The following STIL variants were observed in gnomAD, a reference collection of about 807,000 sequenced individuals.
STIL encodes SCL-interrupting locus protein.
STIL carries 55 observed loss-of-function variants against 110.1 expected under a neutral mutation model. The ratio of observed to expected loss-of-function variants is 0.50; its 90% CI spans 0.40 to 0.63. STIL has a LOEUF of 0.63. Among genes scored for constraint, STIL ranks in the 20% least tolerant of loss-of-function variants. The pLI is 0.00. For synonymous variants in STIL, 481 were observed against 530.0 expected (o/e 0.91, Z 1.27); for missense variants, 1,358 against 1,530.0 (o/e 0.89, Z 1.87).
intron 14 of STIL, among the ~76,000 whole-genome samples, chr1:47,265,867 G>C (rs927807989): frequency 8.0e-5 from 12 of 150,256 alleles, no homozygotes; most frequent in Non-Finnish European, 1.5e-4. Flanking sequence ...GCTCACTGCA[G>C]ACTCAACTTC....
In STIL at chr1:47,310,329, T is replaced by C; in HGVS notation, c.-10A>G. 1 of 1,612,408 alleles carries C rather than the reference T, an allele frequency of 6.2e-7. No homozygotes were observed. ...GATATATAGGCTCCATGATGTCTGG[T>C]GAATGATTTCTTTAATTCCAAATCC... On this transcript the variant is annotated 5_prime_UTR_variant, in exon 2 of 17. Transcript: ENST00000371877.
intron 12 of STIL, among the ~76,000 whole-genome samples, chr1:47,273,892 T>C (rs1454720280): frequency 6.6e-6 from 1 of 152,222 alleles, no homozygotes; most frequent in African/African-American, 2.4e-5. Context: ...TAAAATGGCA[T>C]GTGTATTTAT....
rs1645829833 is a variant in STIL at position 47,302,328 on chromosome 1, C to T, written c.171G>A (p.Val57=). 2 of 1,613,952 alleles carry T rather than the reference C, an allele frequency of 1.2e-6. No individual in the cohort carries two copies. The highest frequency in any genetic ancestry group is 8.5e-7 in the Non-Finnish European group (1 of 1,179,964). The change falls in exon 4 of 17, where the codon GTG becomes GTA. Residue 57 remains valine (V), a synonymous_variant. Transcript: ENST00000371877. The part of the protein sequence containing the change: ...LSYYRNPKLV[V]TEKTIRLAYR... Reference sequence around the variant, plus strand: ...AAGCAAGTCGGATGGTCTTCTCAGTCACCACAAGCTTTGGATTTCTGAAAA... The same window carrying T: ...AAGCAAGTCGGATGGTCTTCTCAGTTACCACAAGCTTTGGATTTCTGAAAA...
intron 12 of STIL, among the ~76,000 whole-genome samples, chr1:47,278,153 T>A (rs58688029): frequency 6.6e-6 from 1 of 152,050 alleles, no homozygotes; most frequent in Non-Finnish European, 1.5e-5. Flanking sequence ...TACTTGCACA[T>A]AGGTAGTAAG....
intron 14 of STIL, among the ~76,000 whole-genome samples, chr1:47,266,975 A>T (rs1213641301): frequency 6.6e-6 from 1 of 152,122 alleles, no homozygotes; most frequent in African/African-American, 2.4e-5. Flanking sequence ...TCTCCCTCTC[A>T]ATCACTATGT....
In STIL at chr1:47,250,591, G is replaced by A. The variant is rs181264069; in HGVS notation, c.*545C>T. 655 of 158,764 alleles carry A rather than the reference G, an allele frequency of 4.1e-3. 2 individuals carry two copies. The highest frequency in any genetic ancestry group is 6.5e-3 in the Non-Finnish European group (466 of 71,954). The allele number at this position is 158,764 out of a possible 1,614,324, so 9.8% of individuals were successfully genotyped here. A position where few individuals can be genotyped will look rare whatever the true frequency, so the allele number is the denominator to read the frequency against. On this transcript the variant is annotated 3_prime_UTR_variant, in exon 17 of 17. Coordinates refer to ENST00000371877, the MANE Select transcript of STIL (RefSeq NM_001048166.1). The stretch of plus-strand genomic sequence containing the variant: ...TCCCAGCACTTTAGGAGGCCGAGGC[G>A]GGCGGATCACCTGAGGTCGGGAGTT...
chr1:47,254,540 GTTTT>G (rs199571064), intron 16 of STIL, among the ~76,000 whole-genome samples: 1 of 145,770 alleles, frequency 6.9e-6, no homozygotes, highest in Non-Finnish European at 1.5e-5. Context: ...TTTTTTTTTT[GTTTT>G]TTTTGAGACA....
chr1:47,272,354 C>A, intron 12 of STIL, 113 bp from the exon 13 acceptor site: 2 of 1,105,218 alleles, frequency 1.8e-6, no homozygotes, highest in Non-Finnish European at 1.3e-6. Context: ...ACTTTTAAGT[C>A]TATTTTCTCA....
rs112563569 is a variant in STIL, at chr1:47,251,573, C to T, written c.3430G>A (p.Asp1144Asn). The T allele has an allele frequency of 1.4e-3, 2,256 of 1,613,806 alleles. 24 individuals are homozygous for T. In the African/African-American group the frequency reaches 0.023, roughly 16 times the overall value. Residue 1144 changes from aspartate to asparagine, a missense_variant, in exon 17 of 17, where the codon GAC becomes AAC. By Grantham distance (23) the Asp-to-Asn change is conservative. Coordinates refer to ENST00000371877, the MANE Select transcript of STIL (RefSeq NM_001048166.1). ...TATTCACTCTTGCTATCTGCATTGTCGGGAGGTTCCTCTTCATCTTCACTA... is the reference window on the plus strand; with the variant it reads ...TATTCACTCTTGCTATCTGCATTGTTGGGAGGTTCCTCTTCATCTTCACTA... ...DNSEDEEEPP[D>N]NADSKSEYLL...
At chr1:47,282,589 C>T in intron 10 of STIL, 130 bp from the exon 11 acceptor site, 1 of 658,524 alleles carries the variant, frequency 1.5e-6, no homozygotes, top group Non-Finnish European at 2.7e-6. Context: ...CTGACAACCA[C>T]AAATTATTTT....
chr1:47,273,455 G>T (rs1200214313), intron 12 of STIL, among the ~76,000 whole-genome samples: 1 of 152,176 alleles, frequency 6.6e-6, no homozygotes, highest in Non-Finnish European at 1.5e-5. Context: ...GTACCATACT[G>T]TGGCCTTGTA....
chr1:47,290,467 A>G (rs1198357919), intron 8 of STIL, among the ~76,000 whole-genome samples: 1 of 152,196 alleles, frequency 6.6e-6, no homozygotes, highest in East Asian at 1.9e-4. Flanking sequence ...GCACTTCGGG[A>G]GGCCGAGGCA....
chr1:47,267,629 C>T (rs868380254), intron 14 of STIL, among the ~76,000 whole-genome samples: 12 of 141,660 alleles, frequency 8.5e-5, no homozygotes, highest in Middle Eastern at 3.6e-3. Context: ...GCCAAGATCA[C>T]GCCACCGTAC....
chr1:47,278,343 A>C (rs997762478), intron 12 of STIL, among the ~76,000 whole-genome samples: 2 of 152,116 alleles, frequency 1.3e-5, no homozygotes, highest in African/African-American at 4.8e-5. Flanking sequence ...ACTTTTTAAA[A>C]AGTGGTACCT....
chr1:47,308,987 G>C (rs1646044973), intron 2 of STIL, among the ~76,000 whole-genome samples: 2 of 151,270 alleles, frequency 1.3e-5, no homozygotes, highest in Admixed American at 1.3e-4. Context: ...AGGAAGCAAA[G>C]ATTGCAGTGA....
chr1:47,313,430 A>ACC (rs34836474), intron 1 of STIL, among the ~76,000 whole-genome samples: 2 of 151,374 alleles, frequency 1.3e-5, no homozygotes, highest in Non-Finnish European at 2.9e-5. Flanking sequence ...TCCAACCTTA[A>ACC]CCCCCCCATC....
intron 15 of STIL, 146 bp from the exon 16 acceptor site, chr1:47,260,685 C>G: frequency 1.2e-6 from 1 of 824,154 alleles, no homozygotes; most frequent in Middle Eastern, 3.6e-4. Flanking sequence ...CCCTGGGCAA[C>G]ACAGCGAGAT....
At chr1:47,260,584 A>G (rs201148192) in intron 15 of STIL, 45 bp from the exon 16 acceptor site, 28 of 1,593,184 alleles carry the variant, frequency 1.8e-5, no homozygotes, top group Non-Finnish European at 2.3e-5. Context: ...ACTATTAACA[A>G]TGTTAGGGCT....
chr1:47,305,127 A>G, intron 2 of STIL, 131 bp from the exon 3 acceptor site: 1 of 686,560 alleles, frequency 1.5e-6, no homozygotes, highest in Non-Finnish European at 2.5e-6. Flanking sequence ...AAGAGTTTAT[A>G]TATATATATT....
Sources: allele counts gnomAD v4.1 joint callset (sites outside exome capture counted in the v4.1 genomes callset), GRCh38; gene constraint gnomAD v4.1.1; transcripts MANE v1.5; gene names NCBI Gene and HGNC (gene_info 2026-07-23, HGNC 2026-07-21).